The following COP1 variants were observed in gnomAD, a reference collection of about 807,000 sequenced individuals.
The protein encoded by COP1 is E3 ubiquitin-protein ligase COP1.
A neutral mutation model predicts 101.3 loss-of-function variants in COP1; 24 were observed. The ratio of observed to expected loss-of-function variants is 0.24; its 90% confidence interval spans 0.17 to 0.33. The LOEUF (loss-of-function observed/expected upper bound fraction) is 0.33. Among genes scored for constraint, COP1 ranks in the 10% least tolerant of loss-of-function variants. The probability of loss-of-function intolerance (pLI) is 1.00; values close to 1 mark genes in which losing one functional copy is unlikely to be tolerated. For synonymous variants in COP1, 347 were observed against 341.9 expected (o/e 1.01, Z -0.17); for missense variants, 663 against 906.2 (o/e 0.73, Z 3.45).
chr1:176,156,223 T>G (rs182172756), intron 5 of COP1, among the ~76,000 whole-genome samples: 1 of 152,106 alleles, frequency 6.6e-6, no homozygotes, highest in Non-Finnish European at 1.5e-5. Flanking sequence ...GTCCTTGAAG[T>G]AGCATACTAT....
At chr1:176,090,004 C>T (rs1182990052) in intron 9 of COP1, among the ~76,000 whole-genome samples, 2 of 152,206 alleles carry the variant, frequency 1.3e-5, no homozygotes, top group Admixed American at 6.5e-5. Context: ...AATTAGGAAA[C>T]ATTTACCATC....
At chr1:176,043,923 T>G (rs1044763834) in intron 12 of COP1, 105 bp from the exon 13 acceptor site, 5 of 700,490 alleles carry the variant, frequency 7.1e-6, no homozygotes, top group Non-Finnish European at 1.3e-5. Context: ...TAAAATGGTC[T>G]CTATCAGTTC....
chr1:176,163,960 C>T lies in COP1; in HGVS notation c.566-69G>A, dbSNP rs1021446673. On this transcript the variant is annotated intron_variant, in intron 3 of 19. Transcript: ENST00000367669. ...TTGTTAAATGTATCATGTAATTCTT[C>T]GGTTTAGATAGATTCTATTTTACCT... The T allele has an allele frequency of 2.0e-5, 20 of 1,015,368 alleles. 3 individuals carry two copies. The highest frequency in any genetic ancestry group is 4.3e-5 in the Admixed American group (2 of 46,696). The allele number at this position is 1,015,368 out of a possible 1,614,324, so 62.9% of individuals were successfully genotyped here. A position where few individuals can be genotyped will look rare whatever the true frequency, so the allele number is the denominator to read the frequency against.
intron 15 of COP1, among the ~76,000 whole-genome samples, chr1:175,996,368 C>A (rs1360783953): frequency 3.9e-5 from 6 of 152,236 alleles, no homozygotes; most frequent in South Asian, 2.1e-4. Flanking sequence ...CACCACTCCT[C>A]TTCAACATAG....
chr1:176,115,524 G>A (rs894423807), intron 9 of COP1, among the ~76,000 whole-genome samples: 2 of 151,980 alleles, frequency 1.3e-5, no homozygotes, highest in Admixed American at 1.3e-4. Flanking sequence ...CAAGGGGGGA[G>A]GATCACGAGG....
chr1:176,158,043 A>T (rs969816978), intron 5 of COP1, among the ~76,000 whole-genome samples: 1 of 152,250 alleles, frequency 6.6e-6, no homozygotes, highest in East Asian at 1.9e-4. Context: ...GCAAACTATA[A>T]ATCTACAGAT....
At chr1:176,026,423 A>T (rs1237551674) in intron 15 of COP1, among the ~76,000 whole-genome samples, 1 of 152,102 alleles carries the variant, frequency 6.6e-6, no homozygotes, top group Non-Finnish European at 1.5e-5. Flanking sequence ...AAACAGCTCT[A>T]CCTCTATGTT....
At chr1:176,108,896 G>A (rs970720097) in intron 9 of COP1, among the ~76,000 whole-genome samples, 1 of 152,008 alleles carries the variant, frequency 6.6e-6, no homozygotes, top group Non-Finnish European at 1.5e-5. Context: ...GGCAGATCAC[G>A]AGGTCAAGAG....
intron 11 of COP1, among the ~76,000 whole-genome samples, chr1:176,074,186 C>G (rs1205668263): frequency 6.6e-6 from 1 of 152,266 alleles, no homozygotes; most frequent in South Asian, 2.1e-4. Context: ...CTCGGCCCCG[C>G]AAAGTGCTGG....
At chr1:176,173,337 A>C (rs1190902227) in intron 3 of COP1, among the ~76,000 whole-genome samples, 5 of 148,692 alleles carry the variant, frequency 3.4e-5, no homozygotes, top group African/African-American at 5.0e-5. Flanking sequence ...AAAAAAAAAA[A>C]AAAAAAACCA....
intron 18 of COP1, among the ~76,000 whole-genome samples, chr1:175,951,437 A>AATATATATGTAT (rs1649884500): frequency 9.3e-6 from 1 of 108,016 alleles, no homozygotes; most frequent in Admixed American, 8.9e-5. Flanking sequence ...AAGATACGTG[A>AATATATATGTAT]ATATATATAT....
chr1:176,110,154 TTC>T (rs1342337351), intron 9 of COP1, among the ~76,000 whole-genome samples: 1 of 152,192 alleles, frequency 6.6e-6, no homozygotes, highest in Non-Finnish European at 1.5e-5. Context: ...TTGTCTTAGA[TTC>T]AACCAATTTT....
At chr1:175,951,977 G>T (rs888514295) in intron 18 of COP1, among the ~76,000 whole-genome samples, 1 of 152,100 alleles carries the variant, frequency 6.6e-6, no homozygotes, top group African/African-American at 2.4e-5. Context: ...ACCACATCAA[G>T]GCACACCACA....
chr1:176,004,326 A>C (rs1287879033), intron 15 of COP1, among the ~76,000 whole-genome samples: 2 of 143,094 alleles, frequency 1.4e-5, no homozygotes, highest in African/African-American at 5.1e-5. Context: ...CTCTTTTCCT[A>C]ATTGAATACC....
chr1:176,118,341 C>T (rs1052748015), intron 8 of COP1, among the ~76,000 whole-genome samples: 3 of 151,900 alleles, frequency 2.0e-5, no homozygotes, highest in African/African-American at 7.3e-5. Context: ...TCTGTCTACA[C>T]AGCAGTCTTT....
At chr1:176,094,808 A>G (rs1027782535) in intron 9 of COP1, among the ~76,000 whole-genome samples, 4 of 152,210 alleles carry the variant, frequency 2.6e-5, no homozygotes, top group South Asian at 2.1e-4. Context: ...CTTTACACAT[A>G]TAACTACTTT....
At chr1:176,162,824 A>T (rs1313690780) in intron 5 of COP1, 45 bp downstream of exon 5, 1 of 1,529,010 alleles carries the variant, frequency 6.5e-7, no homozygotes, top group Non-Finnish European at 8.9e-7. Context: ...TTATTGCAAT[A>T]AAGTTCATCA....
intron 10 of COP1, among the ~76,000 whole-genome samples, chr1:176,084,993 C>T (rs1330423697): frequency 2.0e-5 from 3 of 152,162 alleles, no homozygotes; most frequent in Middle Eastern, 3.4e-3. Flanking sequence ...GGGTTAATGT[C>T]TCTACTTCAT....
intron 1 of COP1, among the ~76,000 whole-genome samples, chr1:176,190,099 G>A (rs900361127): frequency 1.7e-4 from 26 of 151,980 alleles, no homozygotes; most frequent in African/African-American, 6.3e-4. Flanking sequence ...AAAAAACTGA[G>A]TATCATTCAA....
Sources: gnomAD v4.1 joint callset for allele counts (sites outside exome capture counted in the v4.1 genomes callset) on GRCh38, gnomAD v4.1.1 for gene constraint, MANE v1.5 for transcripts, NCBI Gene and HGNC (gene_info 2026-07-23, HGNC 2026-07-21) for gene names.